The following SEMA3A variants were observed in gnomAD, a reference collection of about 807,000 sequenced individuals.
SEMA3A encodes the protein semaphorin-3A.
Under a neutral mutation model 97.9 loss-of-function variants are expected in SEMA3A, and 29 were observed. The observed-to-expected ratio is 0.30, with a 90% CI of 0.22 to 0.40. The LOEUF is 0.40. Among genes scored for constraint, SEMA3A ranks in the 10% least tolerant of loss-of-function variants. SEMA3A has a pLI of 1.00. For synonymous variants in SEMA3A, 321 were observed against 323.7 expected, an observed-to-expected ratio of 0.99 and a Z score of 0.09; for missense variants, 763 against 951.3, an observed-to-expected ratio of 0.80 and a Z score of 2.60.
chr7:84,081,843 A>G (rs1433527338), intron 4 of SEMA3A, among the ~76,000 whole-genome samples: 1 of 152,048 alleles, frequency 6.6e-6, no homozygotes, highest in African/African-American at 2.4e-5. Context: ...AAATATGCAT[A>G]TGACTTAATG....
At chr7:84,448,226 G>A (rs1288379966) in intron 1 of SEMA3A, among the ~76,000 whole-genome samples, 1 of 152,202 alleles carries the variant, frequency 6.6e-6, no homozygotes, top group Non-Finnish European at 1.5e-5. Context: ...CAGCCACAGA[G>A]GTTTCTGGCT....
rs373952504 is a variant in SEMA3A, at chr7:84,321,507, C to G, written c.-168-14215G>C. ...GTTGATATAATTGCTCTGCAACTAA[C>G]CAGTTATGTGACCTTAAGTTTAATT... On this transcript the variant is annotated intron_variant, in intron 2 of 3. Coordinates refer to the SEMA3A transcript ENST00000424555. 3.9e-5 allele frequency among the ~76,000 whole-genome samples: 6 copies of G among 152,138 alleles called. No homozygotes were observed. In the East Asian group the frequency reaches 1.2e-3, roughly 29 times the overall value.
chr7:84,479,224 T>G (rs1584353817), intron 1 of SEMA3A, among the ~76,000 whole-genome samples: 1 of 152,186 alleles, frequency 6.6e-6, no homozygotes, highest in Non-Finnish European at 1.5e-5. Flanking sequence ...TTAAGGTTAA[T>G]GGACAGTGAT....
At chr7:84,289,309 G>T (rs978884233) in intron 3 of SEMA3A, among the ~76,000 whole-genome samples, 1 of 151,988 alleles carries the variant, frequency 6.6e-6, no homozygotes, top group Non-Finnish European at 1.5e-5. Context: ...AGCACAGCAC[G>T]GTGACCACAG....
At chr7:84,060,999 G>A (rs946181289) in intron 4 of SEMA3A, among the ~76,000 whole-genome samples, 2 of 152,146 alleles carry the variant, frequency 1.3e-5, no homozygotes, top group African/African-American at 4.8e-5. Context: ...ACACAATCTT[G>A]TCAGTATGTA....
chr7:83,956,712 C>A lies in SEMA3A; in HGVS notation c.*4659G>T, dbSNP rs1788289976. ...CATAGTAGTGGGACATTTAACTTTT[C>A]TTTATGAAACCTGTGTTTTATCTGT... On this transcript the variant is annotated 3_prime_UTR_variant, in exon 17 of 17. Coordinates refer to ENST00000265362, the MANE Select transcript of SEMA3A (RefSeq NM_006080.3). 6.6e-6 allele frequency: 1 copy of A among 152,022 alleles called. No individual in the cohort carries two copies. Among genetic ancestry groups the A allele is most frequent in the African/African-American group, 2.4e-5 (1 of 41,424 alleles). The allele number at this position is 152,022 out of a possible 1,614,324, so 9.4% of individuals were successfully genotyped here.
At chr7:84,312,872 TTATATATA>T (rs377261705) in intron 2 of SEMA3A, among the ~76,000 whole-genome samples, 834 of 48,690 alleles carry the variant, frequency 0.017, 19 homozygotes, top group African/African-American at 0.023. Context: ...TGGTGTTGTT[TTATATATA>T]TATATATATA....
chr7:84,344,085 A>C (rs905731506), intron 2 of SEMA3A, among the ~76,000 whole-genome samples: 1 of 152,196 alleles, frequency 6.6e-6, no homozygotes, highest in Non-Finnish European at 1.5e-5. Context: ...CTTTACAAAA[A>C]ATACATTAAT....
chr7:84,419,552 G>C (rs1053344853), intron 1 of SEMA3A, among the ~76,000 whole-genome samples: 4 of 151,142 alleles, frequency 2.6e-5, no homozygotes, highest in African/African-American at 4.9e-5. Flanking sequence ...AAATAGTTGA[G>C]ACCTAAAATA....
intron 3 of SEMA3A, among the ~76,000 whole-genome samples, chr7:84,275,756 ACTGT>A (rs1233636562): frequency 4.6e-5 from 7 of 152,076 alleles, no homozygotes; most frequent in Admixed American, 2.0e-4. Flanking sequence ...GTTGAGAATT[ACTGT>A]AAATGTAAAA....
chr7:84,122,181 C>G (rs1249008413), intron 3 of SEMA3A, among the ~76,000 whole-genome samples: 1 of 151,766 alleles, frequency 6.6e-6, no homozygotes, highest in East Asian at 1.9e-4. Context: ...ACCCATCTGA[C>G]AAAGGGCTAA....
intron 2 of SEMA3A, among the ~76,000 whole-genome samples, chr7:84,339,337 C>T (rs1349340107): frequency 6.6e-6 from 1 of 152,132 alleles, no homozygotes; most frequent in Non-Finnish European, 1.5e-5. Context: ...TGTCTAATGG[C>T]CTTAATATGA....
chr7:84,441,418 TAG>T (rs1245033434), intron 1 of SEMA3A, among the ~76,000 whole-genome samples: 4 of 150,940 alleles, frequency 2.7e-5, no homozygotes, highest in African/African-American at 9.7e-5. Flanking sequence ...AAAAAAATAC[TAG>T]AGAGATTAAA....
At chr7:84,043,800 T>G (rs1792237140) in intron 6 of SEMA3A, among the ~76,000 whole-genome samples, 1 of 152,060 alleles carries the variant, frequency 6.6e-6, no homozygotes. Context: ...CGTTTAGTGC[T>G]GAGAGACTGA....
At chr7:84,069,736 T>C (rs879900327) in intron 4 of SEMA3A, among the ~76,000 whole-genome samples, 2 of 146,430 alleles carry the variant, frequency 1.4e-5, no homozygotes, top group Non-Finnish European at 3.0e-5. Context: ...CAACATTACA[T>C]AGAATGCGTG....
intron 1 of SEMA3A, among the ~76,000 whole-genome samples, chr7:84,149,516 T>C (rs767172018): frequency 2.3e-4 from 35 of 152,142 alleles, no homozygotes; most frequent in Non-Finnish European, 4.6e-4. Context: ...GAAAGGACAA[T>C]AGACTAAAGA....
At chr7:84,407,539 A>T (rs983426993) in intron 1 of SEMA3A, among the ~76,000 whole-genome samples, 2 of 151,716 alleles carry the variant, frequency 1.3e-5, no homozygotes, top group Non-Finnish European at 2.9e-5. Context: ...ATTGGAAAAA[A>T]CTACTTTAAA....
At chr7:84,190,699 A>G (rs998626174) in intron 1 of SEMA3A, among the ~76,000 whole-genome samples, 3 of 147,874 alleles carry the variant, frequency 2.0e-5, no homozygotes, top group Non-Finnish European at 3.0e-5. Context: ...CACCCACTCT[A>G]TTATTTATAT....
intron 2 of SEMA3A, among the ~76,000 whole-genome samples, chr7:84,346,095 T>C (rs1802294066): frequency 6.6e-6 from 1 of 152,206 alleles, no homozygotes; most frequent in Admixed American, 6.5e-5. Context: ...TTGTAAGTTA[T>C]GGAGATGGCA....
Sources: allele counts gnomAD v4.1 joint callset (sites outside exome capture counted in the v4.1 genomes callset), GRCh38; gene constraint gnomAD v4.1.1; transcripts MANE v1.5; gene names NCBI Gene and HGNC (gene_info 2026-07-23, HGNC 2026-07-21).